Variants in FBXL2 observed in about 807,000 individuals in gnomAD.
The protein encoded by FBXL2 is F-box and leucine rich repeat protein 2.
FBXL2 carries 38 observed loss-of-function variants against 69.2 expected under a neutral mutation model. The ratio of observed to expected loss-of-function variants is 0.55; its 90% CI spans 0.42 to 0.72. The LOEUF is 0.72. FBXL2 is among the 30% of genes least tolerant of loss of function. FBXL2 has a pLI of 0.00. For missense variants in FBXL2, 354 were observed against 520.3 expected (o/e 0.68, Z 3.11); for synonymous variants, 192 against 201.3 (o/e 0.95, Z 0.39).
intron 2 of FBXL2, among the ~76,000 whole-genome samples, chr3:33,327,515 T>C (rs1314646563): frequency 6.6e-6 from 1 of 152,208 alleles, no homozygotes; most frequent in Non-Finnish European, 1.5e-5. Flanking sequence ...AGCACAAACT[T>C]CCAGTTTTAC....
chr3:33,397,172 G>T (rs1315787623), intron 12 of FBXL2: 2 of 1,495,118 alleles, frequency 1.3e-6, no homozygotes, highest in African/African-American at 2.8e-5. Flanking sequence ...CAAATAAATG[G>T]AAAAAGAACA....
chr3:33,365,755 C>A (rs66515059), intron 5 of FBXL2, among the ~76,000 whole-genome samples: 1,614 of 68,762 alleles, frequency 0.023, 19 homozygotes, highest in East Asian at 0.072. Context: ...ACAAACAAAC[C>A]AACAACAATT....
chr3:33,324,363 A>G (rs1464433155), intron 2 of FBXL2, among the ~76,000 whole-genome samples: 2 of 152,078 alleles, frequency 1.3e-5, no homozygotes, highest in African/African-American at 2.4e-5. Context: ...TGTTTTAGTC[A>G]TGAAGTCTTT....
chr3:33,286,678 G>T (rs1187335582), intron 1 of FBXL2, among the ~76,000 whole-genome samples: 1 of 152,242 alleles, frequency 6.6e-6, no homozygotes, highest in Non-Finnish European at 1.5e-5. Flanking sequence ...AGCTGCAGTG[G>T]GCTCCGCCCA....
intron 12 of FBXL2, chr3:33,397,124 A>G (rs779199784): frequency 1.7e-5 from 27 of 1,595,446 alleles, no homozygotes; most frequent in East Asian, 4.5e-5. Flanking sequence ...GTCAGTTTTA[A>G]TAAGTCGGCA....
chr3:33,400,131 A>G, intron 12 of FBXL2: 29 of 1,173,572 alleles, frequency 2.5e-5, no homozygotes, highest in Non-Finnish European at 3.2e-5. Flanking sequence ...AGTTAATAAA[A>G]GCACAGAAAC....
intron 5 of FBXL2, among the ~76,000 whole-genome samples, chr3:33,365,155 C>T (rs1334210314): frequency 1.3e-5 from 2 of 152,098 alleles, no homozygotes; most frequent in Non-Finnish European, 2.9e-5. Flanking sequence ...ATTTCCTTGG[C>T]ATAAGCTAGA....
At chr3:33,365,854 A>G (rs2041922740) in intron 5 of FBXL2, among the ~76,000 whole-genome samples, 1 of 152,194 alleles carries the variant, frequency 6.6e-6, no homozygotes. Flanking sequence ...GAGTTTGGCT[A>G]AAATTAGGAT....
At chr3:33,415,443 T>C in the FBXL2 span, among the ~76,000 whole-genome samples, 1 of 152,172 alleles carries the variant, frequency 6.6e-6, no homozygotes, top group African/African-American at 2.4e-5. Context: ...ACAAGGGGAA[T>C]AGATGAAACA....
chr3:33,395,535 A>C (rs1460663189), intron 12 of FBXL2, among the ~76,000 whole-genome samples: 1 of 152,084 alleles, frequency 6.6e-6, no homozygotes, highest in African/African-American at 2.4e-5. Flanking sequence ...CCGTACAATT[A>C]AATGCTCAGG....
At chr3:33,374,754 G>T (rs1172644766) in intron 9 of FBXL2, among the ~76,000 whole-genome samples, 1 of 151,996 alleles carries the variant, frequency 6.6e-6, no homozygotes, top group African/African-American at 2.4e-5. Flanking sequence ...GAATCTTCAT[G>T]GCCAAATTCA....
intron 2 of FBXL2, among the ~76,000 whole-genome samples, chr3:33,323,850 T>C (rs2038450607): frequency 6.6e-6 from 1 of 152,176 alleles, no homozygotes; most frequent in African/African-American, 2.4e-5. Context: ...TCAAATGATA[T>C]TTCTGGTTCT....
chr3:33,376,792 G>C (rs1251516134), intron 10 of FBXL2, among the ~76,000 whole-genome samples: 1 of 152,166 alleles, frequency 6.6e-6, no homozygotes, highest in Non-Finnish European at 1.5e-5. Flanking sequence ...CCTGAGGTCA[G>C]GAGTTTGAGA....
intron 1 of FBXL2, among the ~76,000 whole-genome samples, chr3:33,291,731 T>C (rs1233289758): frequency 2.0e-5 from 3 of 151,654 alleles, no homozygotes; most frequent in Non-Finnish European, 4.4e-5. Context: ...AGAATGAATA[T>C]CACATTATGG....
chr3:33,416,416 C>T, the FBXL2 span, among the ~76,000 whole-genome samples: 1 of 152,180 alleles, frequency 6.6e-6, no homozygotes, highest in Non-Finnish European at 1.5e-5. Context: ...TGAAACTTTA[C>T]AAGGTAAAGG....
At chr3:33,401,371 T>G (rs974659738) in intron 12 of FBXL2, among the ~76,000 whole-genome samples, 1 of 152,096 alleles carries the variant, frequency 6.6e-6, no homozygotes, top group South Asian at 2.1e-4. Context: ...AAACATCAAA[T>G]TAGATAAATA....
intron 1 of FBXL2, among the ~76,000 whole-genome samples, chr3:33,294,106 A>T (rs897198545): frequency 2.0e-5 from 3 of 151,992 alleles, no homozygotes; most frequent in African/African-American, 7.2e-5. Context: ...AATAACATTT[A>T]TTTTTTTTGA....
At chr3:33,375,245 G>C (rs2042560246) in intron 9 of FBXL2, 43 bp from the exon 10 acceptor site, 2 of 1,594,162 alleles carry the variant, frequency 1.3e-6, no homozygotes, top group Admixed American at 1.7e-5. Context: ...TTTTGGTATT[G>C]CTGGTGTCCT....
intron 1 of FBXL2, among the ~76,000 whole-genome samples, chr3:33,290,431 T>C (rs1046115318): frequency 2.0e-5 from 3 of 152,126 alleles, no homozygotes; most frequent in African/African-American, 7.2e-5. Context: ...ATGTGATCCA[T>C]GGTCAGGGGA....
Sources: allele counts gnomAD v4.1 joint callset (sites outside exome capture counted in the v4.1 genomes callset), GRCh38; gene constraint gnomAD v4.1.1; transcripts MANE v1.5; gene names NCBI Gene and HGNC (gene_info 2026-07-23, HGNC 2026-07-21).